WDPCP: variants seen among roughly 807,000 people sequenced by gnomAD.
WDPCP encodes WD repeat containing planar cell polarity effector.
WDPCP carries 71 observed loss-of-function variants against 93.1 expected under a neutral mutation model. The observed-to-expected ratio is 0.76, with a 90% CI of 0.63 to 0.93. The LOEUF is 0.93. Among genes scored for constraint, WDPCP ranks in the 40% least tolerant of loss-of-function variants. The probability of loss-of-function intolerance (pLI) is 0.00; values close to 1 mark genes in which losing one functional copy is unlikely to be tolerated. For missense variants in WDPCP, 844 were observed against 887.4 expected, an observed-to-expected ratio of 0.95 and a Z score of 0.62; for synonymous variants, 315 against 315.0, an observed-to-expected ratio of 1.00 and a Z score of 0.00.
chr2:63,579,350 C>G (rs1008085541), intron 1 of WDPCP, among the ~76,000 whole-genome samples: 2 of 152,202 alleles, frequency 1.3e-5, no homozygotes, highest in Non-Finnish European at 2.9e-5. Context: ...TGGTTCATGC[C>G]TGTAATCACA....
intron 12 of WDPCP, among the ~76,000 whole-genome samples, chr2:63,335,183 A>G (rs989729106): frequency 2.0e-5 from 3 of 152,098 alleles, no homozygotes; most frequent in Admixed American, 1.3e-4. Context: ...TTATCTACCC[A>G]TGCCCTTTTA....
intron 2 of WDPCP, among the ~76,000 whole-genome samples, chr2:63,687,459 T>C (rs1668824418): frequency 6.6e-6 from 1 of 152,146 alleles, no homozygotes. Flanking sequence ...AACCAGAATA[T>C]GTAAGGAGTT....
At position 63,792,685 on chromosome 2, in the gene WDPCP, C is replaced by T. The variant is rs545829221; in HGVS notation, n.308+20937G>A. Among the ~76,000 whole-genome samples the T allele has an allele frequency of 5.9e-5, 9 of 152,178 alleles. No individual in the cohort carries two copies. In the East Asian group the frequency reaches 1.5e-3, roughly 26 times the overall value. On this transcript the variant is annotated intron_variant and non_coding_transcript_variant, in intron 2 of 4. Transcript: ENST00000467687. The stretch of plus-strand genomic sequence containing the variant: ...AATTGCAAGTAGTCTATCAACATGG[C>T]TGGAATACAGACAGAGGACAGGGAG...
At chr2:63,166,245 T>G (rs1672965153) in intron 15 of WDPCP, among the ~76,000 whole-genome samples, 1 of 152,026 alleles carries the variant, frequency 6.6e-6, no homozygotes, top group Non-Finnish European at 1.5e-5. Flanking sequence ...TTTTGTATTT[T>G]TAGTAGAGAC....
At chr2:63,486,455 A>C in intron 4 of WDPCP, 87 bp downstream of exon 4, 12 of 1,271,692 alleles carry the variant, frequency 9.4e-6, no homozygotes, top group African/African-American at 1.5e-5. Flanking sequence ...GGAGGGAATA[A>C]AGTTTCCTCT....
In WDPCP at chr2:63,743,357, G is replaced by A. The variant is rs150639342; in HGVS notation, n.308+70265C>T. Among the ~76,000 whole-genome samples the A allele has an allele frequency of 1.2e-3, 185 of 152,122 alleles. 1 individual carries two copies. In the East Asian group the frequency reaches 0.032, roughly 26 times the overall value. On this transcript the variant is annotated intron_variant and non_coding_transcript_variant, in intron 2 of 4. Coordinates refer to the WDPCP transcript ENST00000467687. ...TTAACACTAAATGGATTTGGTTACC[G>A]CCTGTCCTTGCCACCTGATGCTGCC...
upstream of WDPCP, among the ~76,000 whole-genome samples, chr2:63,831,839 A>G (rs922035282): frequency 6.6e-6 from 1 of 152,176 alleles, no homozygotes; most frequent in Non-Finnish European, 1.5e-5. Context: ...TGATTTGACA[A>G]GGAAAGTGAT....
intron 1 of WDPCP, 101 bp downstream of exon 1, chr2:63,588,096 G>T: frequency 7.4e-7 from 1 of 1,357,458 alleles, no homozygotes; most frequent in Non-Finnish European, 1.0e-6. Context: ...CGAGCTTGCA[G>T]GCATCCGCAC....
At chr2:63,808,360 CCTCTCTTT>C (rs1670801872) in intron 2 of WDPCP, among the ~76,000 whole-genome samples, 1 of 126,652 alleles carries the variant, frequency 7.9e-6, no homozygotes, top group African/African-American at 3.8e-5. Context: ...TCTCCCTCTC[CCTCTCTTT>C]CCACGGTCTC....
intron 2 of WDPCP, among the ~76,000 whole-genome samples, chr2:63,773,811 T>A (rs1349356943): frequency 2.0e-5 from 3 of 151,982 alleles, no homozygotes; most frequent in African/African-American, 7.2e-5. Flanking sequence ...GAGAGAAAAA[T>A]TTTTAAATCT....
At chr2:63,573,746 T>A (rs1383738012) in intron 1 of WDPCP, among the ~76,000 whole-genome samples, 1 of 152,178 alleles carries the variant, frequency 6.6e-6, no homozygotes, top group Non-Finnish European at 1.5e-5. Flanking sequence ...GTGAGCCAGA[T>A]GGAACAGAGC....
intron 1 of WDPCP, among the ~76,000 whole-genome samples, chr2:63,535,267 G>A (rs1263862720): frequency 7.2e-5 from 11 of 152,146 alleles, no homozygotes; most frequent in Non-Finnish European, 1.5e-4. Flanking sequence ...AATCAATATC[G>A]TGAAGATGGC....
At chr2:63,665,658 T>C (rs908749086) in intron 2 of WDPCP, among the ~76,000 whole-genome samples, 1 of 152,142 alleles carries the variant, frequency 6.6e-6, no homozygotes, top group Admixed American at 6.5e-5. Context: ...AAGAAGGATA[T>C]TGGCTGCAAA....
chr2:63,582,705 G>A (rs903255769), intron 1 of WDPCP, among the ~76,000 whole-genome samples: 2 of 151,802 alleles, frequency 1.3e-5, no homozygotes, highest in Non-Finnish European at 2.9e-5. Context: ...TACAAATACA[G>A]AAAGATAAAG....
intron 1 of WDPCP, among the ~76,000 whole-genome samples, chr2:63,821,066 C>T (rs1256472837): frequency 6.6e-6 from 1 of 152,130 alleles, no homozygotes; most frequent in Non-Finnish European, 1.5e-5. Flanking sequence ...TTTAATTCGA[C>T]ATGTGACTAG....
intron 3 of WDPCP, among the ~76,000 whole-genome samples, chr2:63,625,234 CA>C (rs1709797659): frequency 6.6e-6 from 1 of 152,128 alleles, no homozygotes; most frequent in Non-Finnish European, 1.5e-5. Context: ...ACGGAATGGG[CA>C]AAAGCTGGAA....
intron 1 of WDPCP, among the ~76,000 whole-genome samples, chr2:63,523,297 G>C (rs766672310): frequency 2.6e-5 from 4 of 152,088 alleles, no homozygotes; most frequent in Non-Finnish European, 5.9e-5. Context: ...GGCATCAAAA[G>C]AATGTACCTC....
chr2:63,830,084 T>C (rs1671170944), upstream of WDPCP, among the ~76,000 whole-genome samples: 1 of 152,162 alleles, frequency 6.6e-6, no homozygotes, highest in Non-Finnish European at 1.5e-5. Flanking sequence ...TCTTCTGTCT[T>C]GATGACAAGA....
At chr2:63,257,317 T>C (rs7584531) in intron 14 of WDPCP, among the ~76,000 whole-genome samples, 54,714 of 152,034 alleles carry the variant, frequency 0.36, 12,489 homozygotes, top group Non-Finnish European at 0.5. Flanking sequence ...AAGAGAATAA[T>C]TGAATTAAAT....
Sources: allele counts gnomAD v4.1 joint callset (sites outside exome capture counted in the v4.1 genomes callset), GRCh38; gene constraint gnomAD v4.1.1; transcripts MANE v1.5; gene names NCBI Gene and HGNC (gene_info 2026-07-23, HGNC 2026-07-21).